CHSY3: variants seen among roughly 807,000 people sequenced by gnomAD.
CHSY3 encodes the protein N-acetylgalactosaminyl-proteoglycan 3-beta-glucuronosyltransferase 3.
A neutral mutation model predicts 67.2 loss-of-function variants in CHSY3; 35 were observed. The ratio of observed to expected loss-of-function variants is 0.52; its 90% CI spans 0.40 to 0.69. The LOEUF (loss-of-function observed/expected upper bound fraction) is 0.69, where lower values mean the gene tolerates loss of function less well. CHSY3 is among the 30% of genes least tolerant of loss of function. The pLI is 0.00. For synonymous variants in CHSY3, 474 were observed against 434.7 expected, an observed-to-expected ratio of 1.09 and a Z score of -1.12; for missense variants, 1,069 against 1,138.5, an observed-to-expected ratio of 0.94 and a Z score of 0.88.
rs187090504 is a variant in CHSY3 at position 130,162,026 on chromosome 5, G to A, written c.1087-22203G>A. On this transcript the variant is annotated intron_variant, in intron 2 of 2. Transcript: ENST00000305031. ...TTTCACTGCAGCCTGGGCAACCAGAGTGAGACCCTGTCTCAAAAAAAAAAA... is the reference window on the plus strand; with the variant it reads ...TTTCACTGCAGCCTGGGCAACCAGAATGAGACCCTGTCTCAAAAAAAAAAA... Among the ~76,000 whole-genome samples the A allele has an allele frequency of 6.5e-3, 839 of 128,854 alleles. 9 individuals are homozygous for A. Among genetic ancestry groups the A allele is most frequent in the African/African-American group, 0.024 (813 of 33,312 alleles). The allele number at this position is 128,854 out of a possible 152,430, so 84.5% of individuals were successfully genotyped here. A position where few individuals can be genotyped will look rare whatever the true frequency, so the allele number is the denominator to read the frequency against.
intron 2 of CHSY3, among the ~76,000 whole-genome samples, chr5:130,043,220 G>A (rs1765053188): frequency 6.6e-6 from 1 of 151,680 alleles, no homozygotes; most frequent in South Asian, 2.1e-4. Flanking sequence ...GTGCTAAATT[G>A]AAATTTATTG....
chr5:130,147,459 C>A (rs2190813), intron 2 of CHSY3, among the ~76,000 whole-genome samples: 3,754 of 152,236 alleles, frequency 0.025, 144 homozygotes, highest in African/African-American at 0.084. Flanking sequence ...CCTGGCTTAA[C>A]ATTATCAGAA....
intron 2 of CHSY3, among the ~76,000 whole-genome samples, chr5:130,042,834 T>C (rs1765042139): frequency 6.6e-6 from 1 of 152,072 alleles, no homozygotes. Flanking sequence ...GTTATCCTGG[T>C]ACGTATTACC....
At chr5:130,046,945 A>G (rs574833870) in intron 2 of CHSY3, among the ~76,000 whole-genome samples, 8 of 151,658 alleles carry the variant, frequency 5.3e-5, no homozygotes, top group African/African-American at 1.9e-4. Context: ...CTTAATATAA[A>G]TTGTTAAAAT....
intron 2 of CHSY3, among the ~76,000 whole-genome samples, chr5:130,085,965 G>T (rs1229970414): frequency 1.3e-5 from 2 of 152,114 alleles, no homozygotes; most frequent in African/African-American, 2.4e-5. Context: ...TTGAACTGTG[G>T]TCTGAGAGAC....
intron 1 of CHSY3, among the ~76,000 whole-genome samples, chr5:129,907,229 A>G (rs1192356002): frequency 6.6e-6 from 1 of 152,220 alleles, no homozygotes; most frequent in Non-Finnish European, 1.5e-5. Flanking sequence ...AAAATGACAT[A>G]TTATTTCAAT....
At chr5:130,012,898 C>A (rs1764109289) in intron 2 of CHSY3, among the ~76,000 whole-genome samples, 1 of 152,048 alleles carries the variant, frequency 6.6e-6, no homozygotes, top group South Asian at 2.1e-4. Flanking sequence ...ACTCAAAAGT[C>A]CAACTTCAAA....
intron 2 of CHSY3, among the ~76,000 whole-genome samples, chr5:130,077,890 A>G (rs1046942417): frequency 2.6e-5 from 4 of 152,048 alleles, no homozygotes; most frequent in African/African-American, 9.7e-5. Context: ...TTTATTTTAT[A>G]TAACAAATAG....
chr5:129,905,218 C>T lies in CHSY3; in HGVS notation c.389C>T (p.Ala130Val). ...GATGLPGAPA[A>V]EGEPEEEDGG... ...ACGGGGCTTCCCGGTGCTCCAGCGG[C>T]CGAGGGGGAGCCCGAGGAGGAGGAC... The change falls in exon 1 of 3, where the codon GCC (alanine) becomes GTC (valine). Residue 130 changes from alanine (A) to valine (V), a missense_variant. By Grantham distance (64) the Ala-to-Val change is moderately conservative. Around this residue, in one of 5 missense-constraint regions of CHSY3, gnomAD observed 309 missense variants for 262.5 expected, o/e 1.18. Coordinates refer to ENST00000305031, the MANE Select transcript of CHSY3 (RefSeq NM_175856.5). 1 of 1,506,092 alleles carries T rather than the reference C, an allele frequency of 6.6e-7. No homozygotes were observed. The highest frequency in any genetic ancestry group is 2.6e-5 in the East Asian group (1 of 38,876). The allele number at this position is 1,506,092 out of a possible 1,614,324, so 93.3% of individuals were successfully genotyped here.
chr5:129,973,097 T>A (rs1762691761), intron 2 of CHSY3, among the ~76,000 whole-genome samples: 1 of 152,096 alleles, frequency 6.6e-6, no homozygotes, highest in African/African-American at 2.4e-5. Flanking sequence ...ATTAAATTGC[T>A]TTTTTGTGAG....
chr5:130,126,836 T>G (rs1413042637), intron 2 of CHSY3, among the ~76,000 whole-genome samples: 1 of 152,162 alleles, frequency 6.6e-6, no homozygotes, highest in Non-Finnish European at 1.5e-5. Flanking sequence ...AACCCAGACT[T>G]TATGGTCACA....
intron 2 of CHSY3, among the ~76,000 whole-genome samples, chr5:129,979,783 T>C (rs1480897230): frequency 2.0e-5 from 3 of 152,184 alleles, no homozygotes; most frequent in East Asian, 3.9e-4. Flanking sequence ...CTGGTAACCA[T>C]TTATCTTTTT....
chr5:129,973,832 A>C (rs910267759), intron 2 of CHSY3, among the ~76,000 whole-genome samples: 1 of 151,976 alleles, frequency 6.6e-6, no homozygotes, highest in Non-Finnish European at 1.5e-5. Flanking sequence ...CAAAACCCAG[A>C]CTCCATAGCA....
At chr5:130,175,240 T>A (rs1770009651) in intron 2 of CHSY3, among the ~76,000 whole-genome samples, 1 of 152,166 alleles carries the variant, frequency 6.6e-6, no homozygotes, top group African/African-American at 2.4e-5. Context: ...AAATCATCAG[T>A]GAACTACCAT....
chr5:129,954,879 AT>A (rs932405713), intron 2 of CHSY3, among the ~76,000 whole-genome samples: 4 of 151,782 alleles, frequency 2.6e-5, no homozygotes, highest in East Asian at 3.9e-4. Context: ...ATATATATAT[AT>A]TTTTTTGAGA....
intron 2 of CHSY3, among the ~76,000 whole-genome samples, chr5:129,997,316 C>T (rs1763570512): frequency 6.6e-6 from 1 of 152,034 alleles, no homozygotes; most frequent in African/African-American, 2.4e-5. Flanking sequence ...GCAATGCTAC[C>T]AAGTGTTTAA....
At chr5:130,003,993 T>G (rs1269369651) in intron 2 of CHSY3, among the ~76,000 whole-genome samples, 1 of 152,230 alleles carries the variant, frequency 6.6e-6, no homozygotes, top group Non-Finnish European at 1.5e-5. Context: ...ATTTTTTGGT[T>G]TCGTATTTTT....
intron 2 of CHSY3, among the ~76,000 whole-genome samples, chr5:130,035,368 A>G (rs191898648): frequency 3.1e-4 from 47 of 152,310 alleles, no homozygotes; most frequent in African/African-American, 1.1e-3. Context: ...GATTTCTGGT[A>G]TAAACAGCCA....
chr5:130,150,746 T>C (rs956936987), intron 2 of CHSY3, among the ~76,000 whole-genome samples: 6 of 152,180 alleles, frequency 3.9e-5, no homozygotes, highest in African/African-American at 1.4e-4. Flanking sequence ...GAAGGACACA[T>C]TCAAAATAGT....
Sources: gnomAD v4.1 joint callset for allele counts (sites outside exome capture counted in the v4.1 genomes callset) on GRCh38, gnomAD v4.1.1 for gene constraint, gnomAD v4.1.1 regional missense constraint, MANE v1.5 for transcripts, NCBI Gene and HGNC (gene_info 2026-07-23, HGNC 2026-07-21) for gene names.